Variants in HLF observed in about 807,000 individuals in gnomAD.
The protein encoded by HLF is hepatic leukemia factor.
In HLF, 3 loss-of-function variants were observed where a neutral mutation model predicts 22.6. That is an observed-to-expected ratio of 0.13 (90% CI 0.06 to 0.34). HLF has a LOEUF of 0.34. Among genes scored for constraint, HLF ranks in the 10% least tolerant of loss-of-function variants. The probability of loss-of-function intolerance (pLI) is 1.00; values close to 1 mark genes in which losing one functional copy is unlikely to be tolerated. For synonymous variants in HLF, 151 were observed against 151.8 expected, an observed-to-expected ratio of 0.99 and a Z score of 0.04; for missense variants, 299 against 389.2, an observed-to-expected ratio of 0.77 and a Z score of 1.95.
At chr17:55,308,951 A>G (rs1430397660) in intron 2 of HLF, among the ~76,000 whole-genome samples, 1 of 152,208 alleles carries the variant, frequency 6.6e-6, no homozygotes, top group African/African-American at 2.4e-5. Context: ...TAGACTGGGC[A>G]TGTTTATGGT....
intron 1 of HLF, chr17:55,265,953 C>A: frequency 2.7e-6 from 2 of 738,852 alleles, no homozygotes; most frequent in Non-Finnish European, 3.4e-6. Flanking sequence ...GAGGGCAGAG[C>A]CTCCCGGGCT....
At chr17:55,274,843 C>G (rs2080891458) in intron 2 of HLF, among the ~76,000 whole-genome samples, 1 of 152,218 alleles carries the variant, frequency 6.6e-6, no homozygotes, top group African/African-American at 2.4e-5. Flanking sequence ...AGCACCTTCA[C>G]CACCATCTAA....
chr17:55,274,767 A>G (rs953335360), intron 2 of HLF, among the ~76,000 whole-genome samples: 8 of 152,348 alleles, frequency 5.3e-5, no homozygotes, highest in East Asian at 1.9e-4. Flanking sequence ...ATATGAGCCA[A>G]TGCATGCAGA....
intron 2 of HLF, among the ~76,000 whole-genome samples, chr17:55,313,359 C>CGT (rs58593405): frequency 0.043 from 6,278 of 147,178 alleles, 291 homozygotes; most frequent in African/African-American, 0.12. Flanking sequence ...GAGGTGTGTG[C>CGT]GTGTGTGTGT....
At chr17:55,311,507 GA>G (rs886971119) in intron 2 of HLF, among the ~76,000 whole-genome samples, 17 of 149,336 alleles carry the variant, frequency 1.1e-4, no homozygotes, top group African/African-American at 1.7e-4. Context: ...CTGTCTCAAA[GA>G]AAAAAAAACA....
chr17:55,288,491 C>T (rs1170230744), intron 2 of HLF, among the ~76,000 whole-genome samples: 2 of 152,056 alleles, frequency 1.3e-5, no homozygotes, highest in African/African-American at 2.4e-5. Context: ...GGCTGGATGC[C>T]ATGGCTCACG....
At chr17:55,267,609 A>G (rs2080805235) in intron 1 of HLF, 142 bp from the exon 2 acceptor site, 2 of 596,904 alleles carry the variant, frequency 3.4e-6, no homozygotes, top group Non-Finnish European at 5.8e-6. Flanking sequence ...TTAACTCTAG[A>G]TCTACAAAAG....
intron 2 of HLF, among the ~76,000 whole-genome samples, chr17:55,299,169 A>G (rs561781761): frequency 1.3e-5 from 2 of 152,370 alleles, no homozygotes; most frequent in South Asian, 4.1e-4. Context: ...TGCCAGAGGC[A>G]TAAAGTCCAT....
At chr17:55,308,379 A>G (rs181723499) in intron 2 of HLF, among the ~76,000 whole-genome samples, 1 of 152,222 alleles carries the variant, frequency 6.6e-6, no homozygotes, top group Non-Finnish European at 1.5e-5. Context: ...CGGGTACTAC[A>G]GATTGTGCTA....
intron 2 of HLF, 50 bp from the exon 3 acceptor site, chr17:55,315,177 A>G (rs371704687): frequency 2.1e-6 from 3 of 1,413,662 alleles, no homozygotes; most frequent in African/African-American, 1.4e-5. Context: ...GTAGCTGCCT[A>G]CTGGGTCTCT....
At chr17:55,312,102 A>G (rs959799790) in intron 2 of HLF, among the ~76,000 whole-genome samples, 1 of 152,166 alleles carries the variant, frequency 6.6e-6, no homozygotes, top group African/African-American at 2.4e-5. Context: ...TGTCTTTGCT[A>G]TTGTGAATAG....
chr17:55,307,303 G>A (rs1001489201), intron 2 of HLF, among the ~76,000 whole-genome samples: 7 of 151,036 alleles, frequency 4.6e-5, no homozygotes, highest in South Asian at 2.1e-4. Flanking sequence ...ACAAGCGTGC[G>A]CCACCATGCC....
intron 2 of HLF, among the ~76,000 whole-genome samples, chr17:55,299,274 T>G (rs2081135981): frequency 6.6e-6 from 1 of 152,230 alleles, no homozygotes; most frequent in Admixed American, 6.5e-5. Flanking sequence ...CACTTATTGC[T>G]TAGCAACACT....
intron 1 of HLF, chr17:55,266,895 A>G (rs1442649187): frequency 1.5e-6 from 1 of 665,590 alleles, no homozygotes; most frequent in Non-Finnish European, 1.9e-6. Context: ...AATGTATAGA[A>G]TAACTCACCT....
chr17:55,295,811 G>A (rs2081106957), intron 2 of HLF, among the ~76,000 whole-genome samples: 1 of 152,202 alleles, frequency 6.6e-6, no homozygotes, highest in Admixed American at 6.5e-5. Context: ...AAGATAAGAA[G>A]ATGAGTAAAT....
chr17:55,266,500 G>C (rs548949080), intron 1 of HLF, among the ~76,000 whole-genome samples: 150 of 152,346 alleles, frequency 9.8e-4, no homozygotes, highest in African/African-American at 3.2e-3. Flanking sequence ...AGGTTATTTG[G>C]CTACAAATAG....
chr17:55,306,840 G>A (rs1238456584), intron 2 of HLF, among the ~76,000 whole-genome samples: 2 of 148,266 alleles, frequency 1.3e-5, no homozygotes, highest in Admixed American at 1.3e-4. Context: ...ATTCATTCTT[G>A]TATTTCTTCT....
intron 2 of HLF, among the ~76,000 whole-genome samples, chr17:55,286,002 C>T (rs982536899): frequency 6.6e-6 from 1 of 152,188 alleles, no homozygotes; most frequent in Non-Finnish European, 1.5e-5. Context: ...CTTGCAAAAT[C>T]AGTAAACAGA....
chr17:55,310,637 CTG>C (rs1904788529), intron 2 of HLF, among the ~76,000 whole-genome samples: 1 of 152,126 alleles, frequency 6.6e-6, no homozygotes, highest in African/African-American at 2.4e-5. Flanking sequence ...TGCAGTGAGA[CTG>C]AAAATTATTA....
Sources: allele counts gnomAD v4.1 joint callset (sites outside exome capture counted in the v4.1 genomes callset), GRCh38; gene constraint gnomAD v4.1.1; transcripts MANE v1.5; gene names NCBI Gene and HGNC (gene_info 2026-07-23, HGNC 2026-07-21).